The following SYT1 variants were observed in gnomAD, a reference collection of about 807,000 sequenced individuals.
The protein encoded by SYT1 is synaptotagmin 1.
In SYT1, 8 loss-of-function variants were observed where a neutral mutation model predicts 44.8. That is an observed-to-expected ratio of 0.18 (90% CI 0.10 to 0.32). The LOEUF (loss-of-function observed/expected upper bound fraction) is 0.32. Ranked by LOEUF, SYT1 falls within the 10% of genes least tolerant of loss-of-function variation. The pLI is 1.00. For synonymous variants in SYT1, 154 were observed against 188.8 expected (o/e 0.82, Z 1.51); for missense variants, 286 against 509.3 (o/e 0.56, Z 4.22).
intron 3 of SYT1, among the ~76,000 whole-genome samples, chr12:79,103,671 G>C (rs941808904): frequency 4.6e-5 from 7 of 151,496 alleles, no homozygotes; most frequent in African/African-American, 1.5e-4. Flanking sequence ...ATTCATAGTG[G>C]CTTCTAATAT....
chr12:79,039,728 G>T (rs866137102), intron 2 of SYT1, among the ~76,000 whole-genome samples: 3 of 149,048 alleles, frequency 2.0e-5, no homozygotes, highest in Non-Finnish European at 3.0e-5. Flanking sequence ...CCCACTAACT[G>T]GTCATCTAGC....
At chr12:78,933,207 G>A (rs543603192) in intron 1 of SYT1, among the ~76,000 whole-genome samples, 147 of 152,208 alleles carry the variant, frequency 9.7e-4, no homozygotes, top group Non-Finnish European at 1.5e-3. Context: ...CATATGGTTA[G>A]ATGAATCTGT....
At chr12:78,970,021 T>C (rs1000358679) in intron 1 of SYT1, among the ~76,000 whole-genome samples, 33 of 152,136 alleles carry the variant, frequency 2.2e-4, no homozygotes, top group African/African-American at 8.0e-4. Context: ...GAAGGGGAAG[T>C]AGAAGATTAT....
At chr12:79,307,640 G>C (rs376706533) in intron 8 of SYT1, among the ~76,000 whole-genome samples, 55 of 148,380 alleles carry the variant, frequency 3.7e-4, no homozygotes, top group Admixed American at 3.0e-3. Context: ...GGGGGCGTGG[G>C]GGGGGGCGGC....
chr12:79,201,380 AG>A (rs1250835363), intron 3 of SYT1, among the ~76,000 whole-genome samples: 1 of 152,212 alleles, frequency 6.6e-6, no homozygotes, highest in African/African-American at 2.4e-5. Flanking sequence ...AAAGGCAAAC[AG>A]GCTTCATCAA....
At chr12:79,175,892 G>A (rs1286181782) in intron 3 of SYT1, among the ~76,000 whole-genome samples, 2 of 152,080 alleles carry the variant, frequency 1.3e-5, no homozygotes, top group African/African-American at 2.4e-5. Flanking sequence ...CAATGTTAAA[G>A]TGATGAAACA....
In SYT1 at chr12:79,448,985, T is replaced by G; in HGVS notation, c.1130T>G (p.Val377Gly). 1 of 1,614,184 alleles carries G rather than the reference T, an allele frequency of 6.2e-7. No individual in the cohort carries two copies. The highest frequency in any genetic ancestry group is 8.5e-7 in the Non-Finnish European group (1 of 1,180,008). Reference protein sequence around the residue: ...KIGKNDAIGKVFVGYNSTGAE... With the variant: ...KIGKNDAIGKGFVGYNSTGAE... ...GGCAAGAACGATGCCATCGGCAAAG[T>G]CTTTGTGGGCTACAACAGCACCGGC... The change falls in exon 11 of 11, where the codon GTC becomes GGC. Residue 377 changes from valine (V) to glycine (G), a missense_variant. Physicochemically the swap from Val to Gly is moderately radical, Grantham distance 109. Coordinates refer to ENST00000261205, the MANE Select transcript of SYT1 (RefSeq NM_005639.3).
intron 3 of SYT1, among the ~76,000 whole-genome samples, chr12:79,184,567 G>T (rs1203821672): frequency 6.6e-6 from 1 of 151,984 alleles, no homozygotes; most frequent in Non-Finnish European, 1.5e-5. Flanking sequence ...GCATTACAAA[G>T]ATTTTTGCCA....
intron 1 of SYT1, among the ~76,000 whole-genome samples, chr12:78,948,097 C>G (rs773897835): frequency 2.0e-5 from 3 of 151,344 alleles, no homozygotes; most frequent in African/African-American, 2.4e-5. Flanking sequence ...ATTAATTTAA[C>G]CATTTAATTA....
At chr12:79,190,815 T>C (rs564418085) in intron 3 of SYT1, among the ~76,000 whole-genome samples, 1 of 151,176 alleles carries the variant, frequency 6.6e-6, no homozygotes, top group Non-Finnish European at 1.5e-5. Context: ...TAGTTGCCCC[T>C]CTTTTTTTCA....
intron 2 of SYT1, among the ~76,000 whole-genome samples, chr12:79,032,350 A>G (rs1452339757): frequency 6.6e-6 from 1 of 151,258 alleles, no homozygotes; most frequent in Non-Finnish European, 1.5e-5. Context: ...TATATGATAG[A>G]GACATGAATT....
chr12:79,418,800 T>C (rs1203229272), intron 9 of SYT1, among the ~76,000 whole-genome samples: 1 of 152,126 alleles, frequency 6.6e-6, no homozygotes, highest in Non-Finnish European at 1.5e-5. Flanking sequence ...TGAAATGTGT[T>C]CAATATCAGG....
At chr12:79,178,949 GATATAGATATAGATATAGAT>G (rs1872095603) in intron 3 of SYT1, among the ~76,000 whole-genome samples, 1 of 51,858 alleles carries the variant, frequency 1.9e-5, no homozygotes, top group Non-Finnish European at 3.6e-5. Flanking sequence ...TATAGATATA[GATATAGATATAGATATAGAT>G]ATATAGATAT....
chr12:79,117,273 G>C (rs1315365507), intron 3 of SYT1, among the ~76,000 whole-genome samples: 13 of 152,006 alleles, frequency 8.6e-5, no homozygotes, highest in African/African-American at 3.1e-4. Context: ...ATATTGTTAA[G>C]CAGGTTTTCA....
intron 9 of SYT1, among the ~76,000 whole-genome samples, chr12:79,373,827 A>C (rs923434680): frequency 6.6e-6 from 1 of 152,192 alleles, no homozygotes; most frequent in African/African-American, 2.4e-5. Context: ...CTGACAGAGC[A>C]CAGCTGAAGA....
intron 1 of SYT1, among the ~76,000 whole-genome samples, chr12:78,873,066 G>A (rs750869479): frequency 5.3e-5 from 8 of 151,596 alleles, no homozygotes; most frequent in Non-Finnish European, 1.5e-5. Flanking sequence ...TGACAGGCGT[G>A]CAGCACTGTA....
At chr12:79,334,378 C>A (rs764446857) in intron 8 of SYT1, among the ~76,000 whole-genome samples, 1 of 152,036 alleles carries the variant, frequency 6.6e-6, no homozygotes, top group Non-Finnish European at 1.5e-5. Context: ...ATTTACGGCA[C>A]AATATTGCAA....
intron 2 of SYT1, among the ~76,000 whole-genome samples, chr12:79,026,900 G>A (rs1007833275): frequency 3.3e-5 from 5 of 150,978 alleles, no homozygotes; most frequent in Admixed American, 6.6e-5. Context: ...AAAGATAAGC[G>A]ATAACAAGTG....
intron 4 of SYT1, among the ~76,000 whole-genome samples, chr12:79,244,317 CAT>C (rs1290871494): frequency 6.6e-6 from 1 of 152,226 alleles, no homozygotes; most frequent in Non-Finnish European, 1.5e-5. Flanking sequence ...GAACTTTCCA[CAT>C]GATTTCTTTC....
Sources: gnomAD v4.1 joint callset for allele counts (sites outside exome capture counted in the v4.1 genomes callset) on GRCh38, gnomAD v4.1.1 for gene constraint, MANE v1.5 for transcripts, NCBI Gene and HGNC (gene_info 2026-07-23, HGNC 2026-07-21) for gene names.